The following HERC4 variants were observed in gnomAD, a reference collection of about 807,000 sequenced individuals.
HERC4 encodes the protein HECT and RLD domain containing E3 ubiquitin protein ligase 4.
A neutral mutation model predicts 124.3 loss-of-function variants in HERC4; 28 were observed. That is an observed-to-expected ratio of 0.23 (90% CI 0.17 to 0.31). The LOEUF (loss-of-function observed/expected upper bound fraction) is 0.31. Ranked by LOEUF, HERC4 falls within the 10% of genes least tolerant of loss-of-function variation. The probability of loss-of-function intolerance (pLI) is 1.00; values close to 1 mark genes in which losing one functional copy is unlikely to be tolerated. For synonymous variants in HERC4, 407 were observed against 421.5 expected (o/e 0.97, Z 0.42); for missense variants, 713 against 1,229.3 (o/e 0.58, Z 6.28).
intron 9 of HERC4, among the ~76,000 whole-genome samples, chr10:68,011,570 G>A (rs570197954): frequency 1.1e-4 from 16 of 152,350 alleles, no homozygotes; most frequent in South Asian, 6.2e-4. Flanking sequence ...ATAAGCAGCA[G>A]TATTTTGAAA....
rs142543233 is a variant in HERC4 at position 67,937,204 on chromosome 10, T to C, written c.2572-969A>G. ...TCTGAAAATGTATGGCAAGTGGCTCTGAAAAAGAGGAAGGTAAGGTATATT... is the reference window on the plus strand; with the variant it reads ...TCTGAAAATGTATGGCAAGTGGCTCCGAAAAAGAGGAAGGTAAGGTATATT... On this transcript the variant is annotated intron_variant, in intron 21 of 24. Transcript: ENST00000373700. Among the ~76,000 whole-genome samples the C allele has an allele frequency of 3.5e-3, 540 of 152,218 alleles. 2 individuals carry two copies. Among genetic ancestry groups the C allele is most frequent in the African/African-American group, 0.013 (521 of 41,544 alleles).
intron 23 of HERC4, among the ~76,000 whole-genome samples, chr10:67,926,551 T>C (rs1184830033): frequency 6.6e-6 from 1 of 152,142 alleles, no homozygotes; most frequent in Non-Finnish European, 1.5e-5. Context: ...ATGCGTCAGG[T>C]CCTTTGGACA....
chr10:68,061,115 C>T (rs1257640428), intron 3 of HERC4, among the ~76,000 whole-genome samples: 1 of 152,124 alleles, frequency 6.6e-6, no homozygotes, highest in Non-Finnish European at 1.5e-5. Context: ...ATAGCTCTTG[C>T]CTACATTGCC....
rs188802589 is a variant in HERC4 at position 67,998,516 on chromosome 10, C to T, written c.1070-5834G>A. On this transcript the variant is annotated intron_variant, in intron 9 of 24. Coordinates refer to ENST00000373700, the MANE Select transcript of HERC4 (RefSeq NM_015601.4). ...GAGCCGAGATCCTGCCACTGCATTA[C>T]AGCCTGTGCAAAAGAGTGACACTCC... Among the ~76,000 whole-genome samples, 268 of 137,772 alleles carry T rather than the reference C, an allele frequency of 1.9e-3. 3 individuals are homozygous for T. Among genetic ancestry groups the T allele is most frequent in the Middle Eastern group, 0.012 (3 of 258 alleles). The allele number at this position is 137,772 out of a possible 152,430, so 90.4% of individuals were successfully genotyped here. A position where few individuals can be genotyped will look rare whatever the true frequency, so the allele number is the denominator to read the frequency against.
chr10:67,925,493 T>C (rs1384574424), intron 23 of HERC4, among the ~76,000 whole-genome samples: 2 of 152,186 alleles, frequency 1.3e-5, no homozygotes, highest in Non-Finnish European at 2.9e-5. Flanking sequence ...CATGGAATTA[T>C]CTGTGATAAT....
At chr10:68,033,814 C>T (rs1276355489) in intron 6 of HERC4, 151 bp downstream of exon 6, 3 of 618,874 alleles carry the variant, frequency 4.8e-6, no homozygotes, top group Non-Finnish European at 8.4e-6. Flanking sequence ...CTTCCCACTG[C>T]ATTCCCCAAA....
chr10:68,048,680 G>C (rs2040136212), intron 3 of HERC4, among the ~76,000 whole-genome samples: 1 of 152,154 alleles, frequency 6.6e-6, no homozygotes, highest in Admixed American at 6.5e-5. Context: ...TATCAATGTA[G>C]ATTTGTTGAT....
At chr10:68,058,837 C>CA (rs1269334135) in intron 3 of HERC4, among the ~76,000 whole-genome samples, 249 of 134,976 alleles carry the variant, frequency 1.8e-3, no homozygotes, top group Middle Eastern at 0.015. Context: ...ACTCTAATTC[C>CA]AAAAAAAAAA....
intron 3 of HERC4, among the ~76,000 whole-genome samples, chr10:68,049,821 G>A (rs1193349796): frequency 6.6e-6 from 1 of 151,952 alleles, no homozygotes; most frequent in Non-Finnish European, 1.5e-5. Flanking sequence ...TGAGGTGGGA[G>A]GATCTCTTAA....
At position 67,979,475 on chromosome 10, in the gene HERC4, G is replaced by T. The variant is rs540970375; in HGVS notation, c.1806+9188C>A. Among the ~76,000 whole-genome samples, 98 of 152,002 alleles carry T rather than the reference G, an allele frequency of 6.4e-4. No homozygotes were observed. The Middle Eastern group carries it at 0.01, about 16-fold the overall frequency. ...CAGAATCTAGAAAAAAGGCCCAAAAGGGCAAATCTAAGTTACTGGCCTTAA... is the reference window on the plus strand; with the variant it reads ...CAGAATCTAGAAAAAAGGCCCAAAATGGCAAATCTAAGTTACTGGCCTTAA... On this transcript the variant is annotated intron_variant, in intron 15 of 24. Transcript: ENST00000373700.
chr10:67,926,706 T>C (rs1367775840), intron 23 of HERC4, among the ~76,000 whole-genome samples: 1 of 152,218 alleles, frequency 6.6e-6, no homozygotes, highest in African/African-American at 2.4e-5. Flanking sequence ...TTTTAGTCAA[T>C]GTTTTGGGCC....
At chr10:68,029,295 A>C (rs1229059653) in intron 7 of HERC4, among the ~76,000 whole-genome samples, 1 of 152,198 alleles carries the variant, frequency 6.6e-6, no homozygotes, top group Non-Finnish European at 1.5e-5. Context: ...GTTCAAGACC[A>C]GCCTGGCTAA....
intron 23 of HERC4, among the ~76,000 whole-genome samples, chr10:67,927,408 ATATATATATATATATATATATATTT>A (rs1203259487): frequency 1.1e-4 from 1 of 9,462 alleles, no homozygotes; most frequent in African/African-American, 2.8e-4. Flanking sequence ...ATATATATAT[ATATATATATATATATATATATATTT>A]TTTTTTTTTT....
chr10:67,969,567 C>T (rs1487845933), intron 15 of HERC4, among the ~76,000 whole-genome samples: 1 of 152,096 alleles, frequency 6.6e-6, no homozygotes. Context: ...CGTCACCCTG[C>T]CCAGATCCTT....
At position 67,922,199 on chromosome 10, in the gene HERC4, G is replaced by A. The variant is rs190050436; in HGVS notation, c.*732C>T. ...TCTTTTTATTACTGGCAACTGTGGA[G>A]ACAGAGTTCTTCCAGTACTAAATAT... On this transcript the variant is annotated 3_prime_UTR_variant, in exon 25 of 25. Transcript: ENST00000373700. 3 of 152,236 alleles carry A rather than the reference G, an allele frequency of 2.0e-5. No homozygotes were observed. Among genetic ancestry groups the A allele is most frequent in the African/African-American group, 7.2e-5 (3 of 41,546 alleles). 9.4% of individuals were successfully genotyped at this position (152,236 alleles called of 1,614,324 possible).
chr10:67,968,678 G>C (rs1343152909), intron 15 of HERC4, among the ~76,000 whole-genome samples: 1 of 150,978 alleles, frequency 6.6e-6, no homozygotes, highest in South Asian at 2.1e-4. Context: ...CCTGGCCAGA[G>C]AGGCTACTCT....
At chr10:67,927,422 ATATATATATT>A (rs1431847552) in intron 23 of HERC4, among the ~76,000 whole-genome samples, 16 of 7,194 alleles carry the variant, frequency 2.2e-3, no homozygotes, top group African/African-American at 4.8e-3. Flanking sequence ...ATATATATAT[ATATATATATT>A]TTTTTTTTTT....
At chr10:67,941,453 TAC>T (rs1311334615) in intron 19 of HERC4, among the ~76,000 whole-genome samples, 6 of 151,994 alleles carry the variant, frequency 3.9e-5, no homozygotes, top group African/African-American at 1.4e-4. Context: ...TAAAAAGTAA[TAC>T]ACATTCGAAA....
At chr10:68,042,334 TA>T (rs1423984595) in intron 4 of HERC4, among the ~76,000 whole-genome samples, 1 of 151,714 alleles carries the variant, frequency 6.6e-6, no homozygotes, top group Non-Finnish European at 1.5e-5. Flanking sequence ...CGAAAATCTA[TA>T]AACACTAGGC....
Sources: gnomAD v4.1 joint callset for allele counts (sites outside exome capture counted in the v4.1 genomes callset) on GRCh38, gnomAD v4.1.1 for gene constraint, MANE v1.5 for transcripts, NCBI Gene and HGNC (gene_info 2026-07-23, HGNC 2026-07-21) for gene names.